The following PTPRT variants were observed in gnomAD, a reference collection of about 807,000 sequenced individuals.
PTPRT encodes the protein receptor-type tyrosine-protein phosphatase T.
Under a neutral mutation model 176.8 loss-of-function variants are expected in PTPRT, and 56 were observed. That is an observed-to-expected ratio of 0.32 (90% CI 0.26 to 0.40). The LOEUF (loss-of-function observed/expected upper bound fraction) is 0.40, where lower values mean the gene tolerates loss of function less well. PTPRT is among the 10% of genes least tolerant of loss of function. The pLI, the probability that PTPRT is intolerant of heterozygous loss-of-function variation, is 1.00. For missense variants in PTPRT, 1,540 were observed against 1,908.2 expected (o/e 0.81, Z 3.60); for synonymous variants, 783 against 739.0 (o/e 1.06, Z -0.96).
rs534853973 is a variant in PTPRT, at chr20:42,579,178, G to A, written c.1153+98688C>T. Among the ~76,000 whole-genome samples the A allele has an allele frequency of 1.8e-3, 268 of 150,800 alleles. 1 individual carries two copies. The highest frequency in any genetic ancestry group is 6.4e-3 in the African/African-American group (263 of 40,986). ...GCGGTGTTTGGTTTTTTGTCCTTGT[G>A]AGAGTTTGCTGAGAATGATGGTTTC... On this transcript the variant is annotated intron_variant, in intron 7 of 30. Coordinates refer to ENST00000373187, the MANE Select transcript of PTPRT (RefSeq NM_007050.6).
intron 7 of PTPRT, among the ~76,000 whole-genome samples, chr20:42,608,777 A>C (rs949676575): frequency 5.9e-5 from 9 of 152,200 alleles, no homozygotes; most frequent in African/African-American, 2.2e-4. Flanking sequence ...CACCGCATAC[A>C]GAGTGAGTTC....
chr20:42,504,761 A>T (rs752411541), intron 7 of PTPRT, among the ~76,000 whole-genome samples: 11 of 152,144 alleles, frequency 7.2e-5, no homozygotes, highest in Non-Finnish European at 1.6e-4. Flanking sequence ...ATAAGTTGAA[A>T]ATTCTTTCTC....
intron 1 of PTPRT, among the ~76,000 whole-genome samples, chr20:43,029,830 T>C (rs1986067266): frequency 6.6e-6 from 1 of 152,200 alleles, no homozygotes; most frequent in Non-Finnish European, 1.5e-5. Context: ...CATGTGTCAT[T>C]TCCAGTTTAA....
At chr20:42,409,872 C>G (rs2058996981) in intron 9 of PTPRT, among the ~76,000 whole-genome samples, 1 of 152,054 alleles carries the variant, frequency 6.6e-6, no homozygotes, top group Non-Finnish European at 1.5e-5. Flanking sequence ...TTGTTTAATT[C>G]TAGAAATGGA....
intron 6 of PTPRT, among the ~76,000 whole-genome samples, chr20:42,734,967 A>T (rs904884606): frequency 6.6e-6 from 1 of 152,230 alleles, no homozygotes; most frequent in Non-Finnish European, 1.5e-5. Context: ...GCCAATCAGG[A>T]AGTGTACTCT....
At position 43,189,470 on chromosome 20, in the gene PTPRT, G is replaced by A. The variant is rs912447637; in HGVS notation, c.88+176C>T. Among the ~76,000 whole-genome samples, 1 of 151,956 alleles carries A rather than the reference G, an allele frequency of 6.6e-6. No homozygotes were observed. The highest frequency in any genetic ancestry group is 6.5e-5 in the Admixed American group (1 of 15,276). On this transcript the variant is annotated intron_variant, in intron 1 of 30. Transcript: ENST00000373187. The surrounding 1 kb of genome is among the most constrained non-coding windows in gnomAD (Gnocchi z 5.0). ...ACGCGAGGGGCCGGGCTCGCTGGCC[G>A]GGGCGCGCGGGGACACTGCTTCCCG...
At chr20:42,899,883 C>T (rs541585418) in intron 1 of PTPRT, among the ~76,000 whole-genome samples, 2 of 152,326 alleles carry the variant, frequency 1.3e-5, no homozygotes, top group South Asian at 2.1e-4. Context: ...CCTCCACTTC[C>T]TCATCTTTAA....
chr20:42,878,581 GC>G (rs1449430954), intron 2 of PTPRT, among the ~76,000 whole-genome samples: 1 of 152,222 alleles, frequency 6.6e-6, no homozygotes, highest in African/African-American at 2.4e-5. Context: ...TGGACCAGTT[GC>G]TTCACTTCTC....
At chr20:42,220,270 C>G (rs1051559681) in intron 15 of PTPRT, among the ~76,000 whole-genome samples, 1 of 152,162 alleles carries the variant, frequency 6.6e-6, no homozygotes, top group African/African-American at 2.4e-5. Flanking sequence ...ATACATGTTC[C>G]TAAGCTGGAA....
At chr20:42,653,744 C>T (rs1190915167) in intron 7 of PTPRT, among the ~76,000 whole-genome samples, 2 of 152,156 alleles carry the variant, frequency 1.3e-5, no homozygotes, top group Non-Finnish European at 2.9e-5. Flanking sequence ...TAATTTATCA[C>T]TGTCTGTGGT....
chr20:42,861,175 C>T (rs1254632569), intron 2 of PTPRT, among the ~76,000 whole-genome samples: 1 of 152,180 alleles, frequency 6.6e-6, no homozygotes, highest in Non-Finnish European at 1.5e-5. Flanking sequence ...TCCCTTAACA[C>T]TTTAGCACCA....
intron 6 of PTPRT, among the ~76,000 whole-genome samples, chr20:42,697,744 A>C (rs912572245): frequency 6.6e-5 from 10 of 152,260 alleles, no homozygotes; most frequent in African/African-American, 2.4e-4. Context: ...CAATAAAATG[A>C]GAAGTGAATT....
intron 2 of PTPRT, among the ~76,000 whole-genome samples, chr20:42,883,717 C>T (rs2079047287): frequency 1.6e-4 from 22 of 136,688 alleles, no homozygotes; most frequent in African/African-American, 4.6e-4. Flanking sequence ...CCCATACACA[C>T]ACACCCATAC....
At chr20:42,313,479 G>A (rs1386264179) in intron 12 of PTPRT, among the ~76,000 whole-genome samples, 1 of 152,090 alleles carries the variant, frequency 6.6e-6, no homozygotes, top group Non-Finnish European at 1.5e-5. Flanking sequence ...CTCTTATGGT[G>A]AGGACATTCC....
At chr20:42,679,407 A>T (rs961893137) in intron 6 of PTPRT, among the ~76,000 whole-genome samples, 7 of 152,162 alleles carry the variant, frequency 4.6e-5, no homozygotes, top group Non-Finnish European at 7.3e-5. Flanking sequence ...ACCAACTTGC[A>T]CCAAGGAAAG....
chr20:43,088,948 G>C lies in PTPRT; in HGVS notation c.88+100698C>G, dbSNP rs770906122. 2.9e-4 allele frequency among the ~76,000 whole-genome samples: 44 copies of C among 152,204 alleles called. 1 individual carries two copies. Among genetic ancestry groups the C allele is most frequent in the South Asian group, 6.2e-4 (3 of 4,812 alleles). The stretch of plus-strand genomic sequence containing the variant: ...GCTCGGCAAGGAGAGGGGAGCAATG[G>C]CTGGAGAAAGTGATAAATTCTCTAA... On this transcript the variant is annotated intron_variant, in intron 1 of 30. Coordinates refer to ENST00000373187, the MANE Select transcript of PTPRT (RefSeq NM_007050.6).
intron 1 of PTPRT, among the ~76,000 whole-genome samples, chr20:42,886,936 G>C (rs1385840779): frequency 6.6e-6 from 1 of 152,178 alleles, no homozygotes; most frequent in East Asian, 1.9e-4. Flanking sequence ...TGAGCCTGCA[G>C]GGTGCACAAA....
intron 2 of PTPRT, among the ~76,000 whole-genome samples, chr20:42,808,633 C>T (rs1182095094): frequency 2.0e-5 from 3 of 152,172 alleles, no homozygotes; most frequent in Admixed American, 6.5e-5. Context: ...TTCATTTCAC[C>T]GAGATGAGTT....
At chr20:42,331,863 C>A (rs200379837) in intron 11 of PTPRT, among the ~76,000 whole-genome samples, 1 of 152,186 alleles carries the variant, frequency 6.6e-6, no homozygotes, top group Admixed American at 6.5e-5. Context: ...GATTCTGTAA[C>A]ACTGACATAA....
Sources: gnomAD v4.1 joint callset for allele counts (sites outside exome capture counted in the v4.1 genomes callset) on GRCh38, gnomAD v4.1.1 for gene constraint, Gnocchi (gnomAD v3.1) non-coding constraint, MANE v1.5 for transcripts, NCBI Gene and HGNC (gene_info 2026-07-23, HGNC 2026-07-21) for gene names.